The following KCND2 variants were observed in gnomAD, a reference collection of about 807,000 sequenced individuals.
KCND2 encodes potassium voltage-gated channel subfamily D member 2.
KCND2 carries 16 observed loss-of-function variants against 54.4 expected under a neutral mutation model. That is an observed-to-expected ratio of 0.29 (90% confidence interval 0.20 to 0.45). The LOEUF (loss-of-function observed/expected upper bound fraction) is 0.45, where lower values mean the gene tolerates loss of function less well. Ranked by LOEUF, KCND2 falls within the 20% of genes least tolerant of loss-of-function variation. The probability of loss-of-function intolerance (pLI) is 1.00; values close to 1 mark genes in which losing one functional copy is unlikely to be tolerated. For synonymous variants in KCND2, 317 were observed against 310.7 expected, an observed-to-expected ratio of 1.02 and a Z score of -0.21; for missense variants, 486 against 824.2, an observed-to-expected ratio of 0.59 and a Z score of 5.02.
At chr7:120,618,272 A>G (rs746508821) in intron 1 of KCND2, among the ~76,000 whole-genome samples, 2 of 150,750 alleles carry the variant, frequency 1.3e-5, no homozygotes, top group Non-Finnish European at 2.9e-5. Flanking sequence ...AAACATAATT[A>G]CACACCTGTA....
chr7:120,535,496 T>G (rs1475768148), intron 1 of KCND2, among the ~76,000 whole-genome samples: 1 of 152,082 alleles, frequency 6.6e-6, no homozygotes, highest in African/African-American at 2.4e-5. Context: ...ACTACAAAAT[T>G]TTTATGTTTA....
chr7:120,524,876 C>A (rs1049421713), intron 1 of KCND2, among the ~76,000 whole-genome samples: 1 of 152,152 alleles, frequency 6.6e-6, no homozygotes, highest in East Asian at 1.9e-4. Flanking sequence ...GGAATGTGTT[C>A]AACGTCGGGA....
At chr7:120,353,686 T>A (rs1800449722) in intron 1 of KCND2, among the ~76,000 whole-genome samples, 1 of 152,154 alleles carries the variant, frequency 6.6e-6, no homozygotes, top group Non-Finnish European at 1.5e-5. Flanking sequence ...GGCACAGGAA[T>A]GCTCAAACTG....
chr7:120,445,585 A>T (rs1802008371), intron 1 of KCND2, among the ~76,000 whole-genome samples: 1 of 152,150 alleles, frequency 6.6e-6, no homozygotes, highest in African/African-American at 2.4e-5. Flanking sequence ...ATTAATTTAA[A>T]ACACTTTTAA....
intron 1 of KCND2, among the ~76,000 whole-genome samples, chr7:120,649,256 C>G (rs368679547): frequency 1.3e-5 from 2 of 151,614 alleles, no homozygotes; most frequent in East Asian, 3.9e-4. Context: ...TGCATCATTA[C>G]TCACACATTA....
chr7:120,657,269 G>A (rs149742832), intron 1 of KCND2, among the ~76,000 whole-genome samples: 4 of 152,154 alleles, frequency 2.6e-5, no homozygotes, highest in African/African-American at 7.2e-5. Flanking sequence ...GTCAAAAACA[G>A]TAAAGAATAA....
At chr7:120,598,244 G>A (rs1792771715) in intron 1 of KCND2, among the ~76,000 whole-genome samples, 1 of 152,084 alleles carries the variant, frequency 6.6e-6, no homozygotes, top group African/African-American at 2.4e-5. Context: ...GGTAGCATCA[G>A]TGGGAATATT....
intron 1 of KCND2, among the ~76,000 whole-genome samples, chr7:120,367,905 C>G (rs1351070760): frequency 6.6e-6 from 1 of 152,076 alleles, no homozygotes; most frequent in Non-Finnish European, 1.5e-5. Context: ...TTCTTCCTGA[C>G]AAATATCTGC....
chr7:120,682,224 T>TAGA lies in KCND2; in HGVS notation c.1116-50679_1116-50678insAGA, dbSNP rs764535140. The stretch of plus-strand genomic sequence containing the variant: ...TTTTATGTTTTCTCTAAGTGCAGCT[T>TAGA]GTTTTCATTACATAAGTTATTTCTC... On this transcript the variant is annotated intron_variant, in intron 1 of 5. Transcript: ENST00000331113. Among the ~76,000 whole-genome samples, 6 of 152,082 alleles carry TAGA rather than the reference T, an allele frequency of 3.9e-5. No homozygotes were observed. The East Asian group carries it at 1.2e-3, about 29-fold the overall frequency.
intron 1 of KCND2, among the ~76,000 whole-genome samples, chr7:120,381,571 G>A (rs1212073169): frequency 6.6e-6 from 1 of 151,820 alleles, no homozygotes; most frequent in African/African-American, 2.4e-5. Context: ...GGCATTACAT[G>A]GACAAATAAA....
chr7:120,548,261 G>A (rs951831406), intron 1 of KCND2, among the ~76,000 whole-genome samples: 29 of 152,018 alleles, frequency 1.9e-4, no homozygotes, highest in African/African-American at 7.0e-4. Flanking sequence ...TGTGGAAACC[G>A]ACCTAAATCA....
chr7:120,681,967 T>C (rs988927204), intron 1 of KCND2, among the ~76,000 whole-genome samples: 7 of 151,988 alleles, frequency 4.6e-5, no homozygotes, highest in African/African-American at 4.8e-5. Flanking sequence ...AAGTAGATAA[T>C]AGTTCAATGG....
intron 1 of KCND2, among the ~76,000 whole-genome samples, chr7:120,321,345 G>GC (rs1261028954): frequency 5.3e-5 from 8 of 151,780 alleles, no homozygotes; most frequent in African/African-American, 1.7e-4. Flanking sequence ...CATTGTTTAG[G>GC]CATGTCTTGA....
At chr7:120,432,135 G>A (rs2116166833) in intron 1 of KCND2, among the ~76,000 whole-genome samples, 1 of 152,144 alleles carries the variant, frequency 6.6e-6, no homozygotes, top group East Asian at 1.9e-4. Flanking sequence ...TGTTCCTTGA[G>A]TATTTGGTCC....
chr7:120,746,111 G>A, intron 5 of KCND2, 84 bp downstream of exon 5: 18 of 1,472,356 alleles, frequency 1.2e-5, no homozygotes, highest in Non-Finnish European at 1.6e-5. Context: ...CACTTACATG[G>A]CATCTAAATC....
At chr7:120,401,053 G>A (rs1350682616) in intron 1 of KCND2, among the ~76,000 whole-genome samples, 1 of 152,098 alleles carries the variant, frequency 6.6e-6, no homozygotes, top group Admixed American at 6.6e-5. Context: ...AGGTCAGCAT[G>A]AGTAGAAGGT....
At position 120,556,272 on chromosome 7, in the gene KCND2, T is replaced by C. The variant is rs114734428; in HGVS notation, c.1116-176631T>C. Among the ~76,000 whole-genome samples, 934 of 152,238 alleles carry C rather than the reference T, an allele frequency of 6.1e-3. 10 individuals carry two copies. Among genetic ancestry groups the C allele is most frequent in the African/African-American group, 0.021 (865 of 41,552 alleles). ...AATTCCCCTGGTGAGCCAAAGAGAATAAATAGTCTTCACAATGAACAATCT... is the reference window on the plus strand; with the variant it reads ...AATTCCCCTGGTGAGCCAAAGAGAACAAATAGTCTTCACAATGAACAATCT... On this transcript the variant is annotated intron_variant, in intron 1 of 5. Transcript: ENST00000331113.
chr7:120,698,022 C>CTTTTTTTTT (rs35589294), intron 1 of KCND2, among the ~76,000 whole-genome samples: 100 of 85,580 alleles, frequency 1.2e-3, no homozygotes, highest in Middle Eastern at 0.01. Flanking sequence ...TAGATTTGCC[C>CTTTTTTTTT]TTTTTTTTTT....
chr7:120,739,791 C>T (rs1264175413), intron 2 of KCND2, among the ~76,000 whole-genome samples: 1 of 138,404 alleles, frequency 7.2e-6, no homozygotes, highest in African/African-American at 2.8e-5. Flanking sequence ...TAAGACTTAA[C>T]AAAAGAAACA....
Sources: gnomAD v4.1 joint callset for allele counts (sites outside exome capture counted in the v4.1 genomes callset) on GRCh38, gnomAD v4.1.1 for gene constraint, MANE v1.5 for transcripts, NCBI Gene and HGNC (gene_info 2026-07-23, HGNC 2026-07-21) for gene names.